The following CADM2 variants were observed in gnomAD, a reference collection of about 807,000 sequenced individuals.
CADM2 encodes immunoglobulin superfamily member 4D.
In CADM2, 12 loss-of-function variants were observed where a neutral mutation model predicts 49.8. The ratio of observed to expected loss-of-function variants is 0.24; its 90% confidence interval spans 0.15 to 0.39. The LOEUF (loss-of-function observed/expected upper bound fraction) is 0.39. Ranked by LOEUF, CADM2 falls within the 10% of genes least tolerant of loss-of-function variation. The pLI is 1.00. For missense variants in CADM2, 378 were observed against 492.3 expected, an observed-to-expected ratio of 0.77 and a Z score of 2.20; for synonymous variants, 214 against 175.4, an observed-to-expected ratio of 1.22 and a Z score of -1.74.
chr3:85,699,383 C>A (rs1297133817), intron 1 of CADM2, among the ~76,000 whole-genome samples: 1 of 152,212 alleles, frequency 6.6e-6, no homozygotes, highest in Non-Finnish European at 1.5e-5. Context: ...CATTTCCTCT[C>A]CACACTGCCC....
chr3:85,199,370 T>TGTGAGAGAGAGAGAGA (rs1553694531), intron 1 of CADM2, among the ~76,000 whole-genome samples: 2 of 140,168 alleles, frequency 1.4e-5, no homozygotes, highest in African/African-American at 5.6e-5. Context: ...TGTGTGTGTA[T>TGTGAGAGAGAGAGAGA]GAGAGAGAGA....
chr3:85,330,543 G>A (rs2044888446), intron 1 of CADM2, among the ~76,000 whole-genome samples: 1 of 152,086 alleles, frequency 6.6e-6, no homozygotes, highest in Non-Finnish European at 1.5e-5. Context: ...ACTGCCCAGT[G>A]CATTTTCTAA....
chr3:85,404,280 G>A (rs1358207809), intron 1 of CADM2, among the ~76,000 whole-genome samples: 2 of 152,122 alleles, frequency 1.3e-5, no homozygotes, highest in East Asian at 3.9e-4. Context: ...CACTTTGTGA[G>A]ATGACTTTGT....
Position 85,921,935 on chromosome 3 carries a change from T to G in CADM2, c.700+9392T>G, listed in dbSNP as rs115115820. Reference sequence around the variant, plus strand: ...CATATAATGGGAATTTTGCAGGATGTAATCTCTTCGGACTGGCATCTTTCA... The same window carrying G: ...CATATAATGGGAATTTTGCAGGATGGAATCTCTTCGGACTGGCATCTTTCA... On this transcript the variant is annotated intron_variant, in intron 6 of 9. Coordinates refer to ENST00000383699, the MANE Select transcript of CADM2 (RefSeq NM_001167675.2). Among the ~76,000 whole-genome samples the G allele has an allele frequency of 1.7e-3, 260 of 152,248 alleles. 1 individual carries two copies. The highest frequency in any genetic ancestry group is 5.9e-3 in the African/African-American group (244 of 41,566).
chr3:85,903,434 C>G (rs1716388019), intron 5 of CADM2, among the ~76,000 whole-genome samples: 1 of 151,930 alleles, frequency 6.6e-6, no homozygotes, highest in South Asian at 2.1e-4. Flanking sequence ...TTTTATTTCA[C>G]CTTCATTTTT....
chr3:85,696,316 G>A (rs887069298), intron 1 of CADM2, among the ~76,000 whole-genome samples: 2 of 151,900 alleles, frequency 1.3e-5, no homozygotes, highest in Admixed American at 1.3e-4. Flanking sequence ...TTGCTTTTGT[G>A]TTCCTAGTTA....
chr3:86,024,594 C>T (rs1733642480), intron 8 of CADM2, among the ~76,000 whole-genome samples: 1 of 152,096 alleles, frequency 6.6e-6, no homozygotes, highest in Non-Finnish European at 1.5e-5. Context: ...ATTGAATCCA[C>T]AATTATGCAT....
At chr3:85,022,337 G>A (rs543058971) in intron 1 of CADM2, among the ~76,000 whole-genome samples, 1 of 152,082 alleles carries the variant, frequency 6.6e-6, no homozygotes. Flanking sequence ...TAACTTAAGG[G>A]TTTAGAGAGA....
At chr3:84,967,974 T>C (rs2031134897) in intron 1 of CADM2, among the ~76,000 whole-genome samples, 1 of 152,072 alleles carries the variant, frequency 6.6e-6, no homozygotes, top group African/African-American at 2.4e-5. Context: ...TAAATTAGCA[T>C]ATGCTAGGCT....
intron 6 of CADM2, among the ~76,000 whole-genome samples, chr3:85,931,601 A>G (rs1369890971): frequency 6.6e-6 from 1 of 152,172 alleles, no homozygotes; most frequent in Non-Finnish European, 1.5e-5. Context: ...CAGCAATGGT[A>G]TCTGATCAGA....
intron 5 of CADM2, among the ~76,000 whole-genome samples, chr3:85,895,032 G>A (rs1407253583): frequency 6.6e-6 from 1 of 152,226 alleles, no homozygotes; most frequent in Non-Finnish European, 1.5e-5. Flanking sequence ...CTGAGGCACT[G>A]CCTAGTGGAG....
chr3:85,608,241 T>C (rs1465973451), intron 1 of CADM2, among the ~76,000 whole-genome samples: 1 of 152,150 alleles, frequency 6.6e-6, no homozygotes, highest in African/African-American at 2.4e-5. Flanking sequence ...TATACACTCA[T>C]GTGTTGCAAA....
At chr3:85,660,760 C>T (rs922527040) in intron 1 of CADM2, among the ~76,000 whole-genome samples, 10 of 151,952 alleles carry the variant, frequency 6.6e-5, no homozygotes, top group African/African-American at 2.2e-4. Context: ...TTAAAAATAA[C>T]ATCATGGACA....
intron 1 of CADM2, among the ~76,000 whole-genome samples, chr3:85,645,140 A>G (rs892398005): frequency 1.3e-5 from 2 of 152,106 alleles, no homozygotes; most frequent in African/African-American, 4.8e-5. Context: ...ACATTCAGCC[A>G]TCATTTTTAA....
At chr3:85,455,778 C>A (rs576647763) in intron 1 of CADM2, among the ~76,000 whole-genome samples, 2 of 152,214 alleles carry the variant, frequency 1.3e-5, no homozygotes, top group South Asian at 4.1e-4. Flanking sequence ...AAACGCAAAG[C>A]CCACAAGCCT....
intron 1 of CADM2, among the ~76,000 whole-genome samples, chr3:85,666,751 G>C (rs977830020): frequency 6.6e-6 from 1 of 151,744 alleles, no homozygotes; most frequent in East Asian, 1.9e-4. Flanking sequence ...ATCTTCAGGG[G>C]AGAAGGGAAG....
At chr3:85,125,826 A>T (rs973614582) in intron 1 of CADM2, among the ~76,000 whole-genome samples, 10 of 152,240 alleles carry the variant, frequency 6.6e-5, no homozygotes, top group African/African-American at 2.4e-4. Context: ...TAATGAATAA[A>T]AATAAATTTG....
chr3:84,980,721 C>T (rs542701010), intron 1 of CADM2, among the ~76,000 whole-genome samples: 31 of 152,224 alleles, frequency 2.0e-4, no homozygotes, highest in African/African-American at 7.0e-4. Flanking sequence ...CTGATGCTAC[C>T]TCTCTGAGCT....
intron 3 of CADM2, among the ~76,000 whole-genome samples, chr3:85,834,007 C>T (rs2108239447): frequency 6.6e-6 from 1 of 151,692 alleles, no homozygotes; most frequent in Admixed American, 6.6e-5. Flanking sequence ...GATGTATTTT[C>T]ATTTATTTGT....
Sources: gnomAD v4.1 joint callset for allele counts (sites outside exome capture counted in the v4.1 genomes callset) on GRCh38, gnomAD v4.1.1 for gene constraint, MANE v1.5 for transcripts, NCBI Gene and HGNC (gene_info 2026-07-23, HGNC 2026-07-21) for gene names.